The following CAPZB variants were observed in gnomAD, a reference collection of about 807,000 sequenced individuals.
CAPZB encodes capping actin protein of muscle Z-line subunit beta.
CAPZB carries 2 observed loss-of-function variants against 38.1 expected under a neutral mutation model. The observed-to-expected ratio is 0.05, with a 90% CI of 0.02 to 0.17. CAPZB has a LOEUF of 0.17. Ranked by LOEUF, CAPZB falls within the 10% of genes least tolerant of loss-of-function variation. CAPZB has a pLI of 1.00. For synonymous variants in CAPZB, 107 were observed against 127.4 expected (o/e 0.84, Z 1.08); for missense variants, 161 against 334.2 (o/e 0.48, Z 4.04).
At chr1:19,443,629 T>C (rs1181172891) in intron 1 of CAPZB, among the ~76,000 whole-genome samples, 1 of 146,242 alleles carries the variant, frequency 6.8e-6, no homozygotes. Context: ...TGTTGTTGTT[T>C]TAAAAAGAAA....
chr1:19,472,119 G>A (rs527911269), intron 1 of CAPZB, among the ~76,000 whole-genome samples: 11 of 152,160 alleles, frequency 7.2e-5, no homozygotes, highest in South Asian at 4.1e-4. Flanking sequence ...GTTGATAAAC[G>A]CCTCCAGATA....
intron 1 of CAPZB, among the ~76,000 whole-genome samples, chr1:19,472,596 T>A (rs1182690099): frequency 6.6e-6 from 1 of 151,902 alleles, no homozygotes; most frequent in East Asian, 1.9e-4. Context: ...GACTATGCAG[T>A]ACCCAAGGAC....
intron 4 of CAPZB, among the ~76,000 whole-genome samples, chr1:19,371,671 G>GC: frequency 6.6e-6 from 1 of 152,094 alleles, no homozygotes; most frequent in East Asian, 1.9e-4. Context: ...TGCCTGGGAA[G>GC]CCCCCCAGCA....
intron 2 of CAPZB, among the ~76,000 whole-genome samples, chr1:19,407,901 C>T (rs964479443): frequency 3.9e-5 from 6 of 152,210 alleles, no homozygotes; most frequent in Admixed American, 3.3e-4. Flanking sequence ...GTCAGATGAC[C>T]CTTATCTCTG....
intron 8 of CAPZB, among the ~76,000 whole-genome samples, chr1:19,341,415 G>A (rs967058068): frequency 6.6e-5 from 10 of 152,198 alleles, no homozygotes; most frequent in African/African-American, 1.9e-4. Flanking sequence ...AGCCAAGCCC[G>A]CCAGGTCTTG....
chr1:19,445,173 A>C (rs2094492075), intron 1 of CAPZB, among the ~76,000 whole-genome samples: 1 of 152,218 alleles, frequency 6.6e-6, no homozygotes, highest in South Asian at 2.1e-4. Flanking sequence ...TGTAAGATGA[A>C]GCACTGTACG....
chr1:19,472,040 T>C (rs889930356), intron 1 of CAPZB, among the ~76,000 whole-genome samples: 2 of 151,942 alleles, frequency 1.3e-5, no homozygotes, highest in African/African-American at 4.9e-5. Flanking sequence ...TCAGAAACCA[T>C]GGGCCATCAG....
chr1:19,348,297 G>C, intron 6 of CAPZB, among the ~76,000 whole-genome samples: 1 of 151,878 alleles, frequency 6.6e-6, no homozygotes, highest in Non-Finnish European at 1.5e-5. Flanking sequence ...AAGACAAGGA[G>C]GTCTTGCTAT....
intron 1 of CAPZB, among the ~76,000 whole-genome samples, chr1:19,443,291 G>T (rs2094484932): frequency 6.6e-6 from 1 of 152,100 alleles, no homozygotes; most frequent in Admixed American, 6.5e-5. Flanking sequence ...AGCTACTCGG[G>T]AGGCTGAGGC....
intron 2 of CAPZB, among the ~76,000 whole-genome samples, chr1:19,402,460 C>T (rs952736389): frequency 1.3e-5 from 2 of 152,258 alleles, no homozygotes; most frequent in African/African-American, 2.4e-5. Context: ...TGGGAGCTAA[C>T]AGCTGATCCT....
At chr1:19,435,112 C>T (rs1223109647) in intron 1 of CAPZB, among the ~76,000 whole-genome samples, 1 of 151,486 alleles carries the variant, frequency 6.6e-6, no homozygotes, top group Non-Finnish European at 1.5e-5. Flanking sequence ...GAACATGGGG[C>T]CTGAAAATCA....
rs938011299 is a variant in CAPZB, at chr1:19,415,642, C to T, written c.93+4019G>A. On this transcript the variant is annotated intron_variant, in intron 2 of 8. Coordinates refer to ENST00000264202, the MANE Select transcript of CAPZB (RefSeq NM_004930.5). ...AGCGCACTGCCCCTTATATGAGCATCGCACGTAGCGAGGAGTTCAAAGCCA... is the reference window on the plus strand; with the variant it reads ...AGCGCACTGCCCCTTATATGAGCATTGCACGTAGCGAGGAGTTCAAAGCCA... Among the ~76,000 whole-genome samples the T allele has an allele frequency of 2.6e-5, 4 of 152,244 alleles. No homozygotes were observed. In the South Asian group the frequency reaches 6.2e-4, roughly 24 times the overall value.
At chr1:19,400,765 G>GA (rs890628653) in intron 2 of CAPZB, among the ~76,000 whole-genome samples, 5 of 151,802 alleles carry the variant, frequency 3.3e-5, no homozygotes, top group African/African-American at 9.7e-5. Context: ...GATCTTGTAG[G>GA]AAAAAAAATC....
intron 1 of CAPZB, among the ~76,000 whole-genome samples, chr1:19,462,209 T>C (rs946542897): frequency 6.6e-6 from 1 of 151,720 alleles, no homozygotes; most frequent in Non-Finnish European, 1.5e-5. Context: ...TACTAGCACT[T>C]TGGGAGGCCG....
rs912248125 is a variant in CAPZB at position 19,339,395 on chromosome 1, G to A, written c.*135C>T. ...GGCTTTATTCTCAGGGAGAGATGGC[G>A]CTGTGCGGTCAATGATGCAGCTGTT... is the stretch of plus-strand genomic sequence containing the variant. On this transcript the variant is annotated 3_prime_UTR_variant, in exon 9 of 9. Coordinates refer to ENST00000264202, the MANE Select transcript of CAPZB (RefSeq NM_004930.5). 22 of 735,408 alleles carry A rather than the reference G, an allele frequency of 3.0e-5. No individual in the cohort carries two copies. The highest frequency in any genetic ancestry group is 1.1e-4 in the Admixed American group (6 of 53,670). The allele number at this position is 735,408 out of a possible 1,614,324, so 45.6% of individuals were successfully genotyped here.
At chr1:19,399,248 G>A (rs751762321) in intron 2 of CAPZB, among the ~76,000 whole-genome samples, 1 of 152,218 alleles carries the variant, frequency 6.6e-6, no homozygotes, top group Non-Finnish European at 1.5e-5. Flanking sequence ...TCTCCAGAAA[G>A]CTGTTGTTAA....
At position 19,383,446 on chromosome 1, in the gene CAPZB, C is replaced by CAAA. The variant is rs528617668; in HGVS notation, c.215+2056_215+2058dup. On this transcript the variant is annotated intron_variant, in intron 3 of 8. Transcript: ENST00000264202. ...TGGACAACAGAGTGAGACTCTGTCTCAAAAAAAAAAAAAAAAAAAATTAGC... is the reference window on the plus strand; with the variant it reads ...TGGACAACAGAGTGAGACTCTGTCTCAAAAAAAAAAAAAAAAAAAAAAATTAGC... Among the ~76,000 whole-genome samples the CAAA allele has an allele frequency of 3.8e-3, 454 of 118,018 alleles. 6 individuals are homozygous for CAAA. Among genetic ancestry groups the CAAA allele is most frequent in the South Asian group, 0.024 (78 of 3,316 alleles). The allele number at this position is 118,018 out of a possible 152,430, so 77.4% of individuals were successfully genotyped here. A position where few individuals can be genotyped will look rare whatever the true frequency, so the allele number is the denominator to read the frequency against.
At chr1:19,449,037 T>C in intron 1 of CAPZB, 1 of 1,503,888 alleles carries the variant, frequency 6.6e-7, no homozygotes, top group Non-Finnish European at 8.9e-7. Flanking sequence ...CGCTCCTGAC[T>C]TCTCCCATCT....
chr1:19,365,708 C>T (rs543967031), intron 4 of CAPZB, among the ~76,000 whole-genome samples: 62 of 152,162 alleles, frequency 4.1e-4, no homozygotes, highest in African/African-American at 1.4e-3. Flanking sequence ...GTGGTGCATG[C>T]CTGTAATCCC....
Sources: allele counts gnomAD v4.1 joint callset (sites outside exome capture counted in the v4.1 genomes callset), GRCh38; gene constraint gnomAD v4.1.1; transcripts MANE v1.5; gene names NCBI Gene and HGNC (gene_info 2026-07-23, HGNC 2026-07-21).